SLC9A9: variants seen among roughly 807,000 people sequenced by gnomAD.
The protein encoded by SLC9A9 is sodium/hydrogen exchanger 9.
SLC9A9 carries 62 observed loss-of-function variants against 77.8 expected under a neutral mutation model. The ratio of observed to expected loss-of-function variants is 0.80; its 90% CI spans 0.65 to 0.98. SLC9A9 has a LOEUF of 0.98. Ranked by LOEUF, SLC9A9 falls within the 50% of genes least tolerant of loss-of-function variation. The pLI is 0.00. For missense variants in SLC9A9, 775 were observed against 774.9 expected, an observed-to-expected ratio of 1.00 and a Z score of 0.00; for synonymous variants, 320 against 283.5, an observed-to-expected ratio of 1.13 and a Z score of -1.29.
chr3:143,823,406 T>G (rs547047119), intron 2 of SLC9A9, among the ~76,000 whole-genome samples: 1 of 152,308 alleles, frequency 6.6e-6, no homozygotes, highest in East Asian at 1.9e-4. Flanking sequence ...GGGGTGAAGA[T>G]GAGTGTTCTC....
chr3:143,724,903 G>A (rs1560050133), intron 4 of SLC9A9, among the ~76,000 whole-genome samples: 1 of 152,030 alleles, frequency 6.6e-6, no homozygotes, highest in Non-Finnish European at 1.5e-5. Context: ...TTCAGTGTCA[G>A]GTGGCTCAAA....
chr3:143,592,649 G>A (rs2037671456), intron 6 of SLC9A9, among the ~76,000 whole-genome samples: 5 of 152,148 alleles, frequency 3.3e-5, no homozygotes. Context: ...GAAGTGTAGT[G>A]GGTAACACCA....
chr3:143,396,511 G>T (rs1175806193), intron 12 of SLC9A9, among the ~76,000 whole-genome samples: 1 of 152,164 alleles, frequency 6.6e-6, no homozygotes, highest in Non-Finnish European at 1.5e-5. Context: ...GTTAATGGGT[G>T]CAGCACACCA....
intron 14 of SLC9A9, among the ~76,000 whole-genome samples, chr3:143,299,828 G>A (rs2030440066): frequency 6.6e-6 from 1 of 152,146 alleles, no homozygotes; most frequent in Admixed American, 6.5e-5. Flanking sequence ...TTAGTGGGAG[G>A]AGGCATGCAG....
Position 143,535,014 on chromosome 3 carries a change from T to C in SLC9A9, c.1089+17348A>G, listed in dbSNP as rs2036570422. Among the ~76,000 whole-genome samples the C allele has an allele frequency of 1.3e-5, 2 of 152,108 alleles. 1 individual carries two copies. Among genetic ancestry groups the C allele is most frequent in the South Asian group, 4.1e-4 (2 of 4,820 alleles). Reference sequence around the variant, plus strand: ...AAGGTTGAGGCCTTAAAAAAAGTGATAGAAAAAGTAACTTTGATCACATGA... The same window carrying C: ...AAGGTTGAGGCCTTAAAAAAAGTGACAGAAAAAGTAACTTTGATCACATGA... On this transcript the variant is annotated intron_variant, in intron 9 of 15. Transcript: ENST00000316549.
chr3:143,352,505 A>G (rs1277391966), intron 14 of SLC9A9, among the ~76,000 whole-genome samples: 2 of 133,136 alleles, frequency 1.5e-5, no homozygotes, highest in African/African-American at 7.7e-5. Context: ...CTTTGGAAAA[A>G]GGTTAGCTCT....
At chr3:143,816,198 G>A (rs926366416) in intron 2 of SLC9A9, among the ~76,000 whole-genome samples, 4 of 152,042 alleles carry the variant, frequency 2.6e-5, no homozygotes, top group Non-Finnish European at 5.9e-5. Context: ...AGTATTGCTT[G>A]TATATTTTTA....
At chr3:143,678,355 T>G (rs192583422) in intron 5 of SLC9A9, among the ~76,000 whole-genome samples, 405 of 152,308 alleles carry the variant, frequency 2.7e-3, no homozygotes, top group African/African-American at 9.3e-3. Context: ...TTCCATTCTT[T>G]GTTAAGAAGA....
chr3:143,409,347 A>G (rs2034048470), intron 12 of SLC9A9, among the ~76,000 whole-genome samples: 2 of 152,246 alleles, frequency 1.3e-5, no homozygotes, highest in Non-Finnish European at 2.9e-5. Flanking sequence ...CACAGGTGAC[A>G]CAGCAAGAAG....
intron 4 of SLC9A9, among the ~76,000 whole-genome samples, chr3:143,732,548 T>C (rs1934833214): frequency 6.6e-6 from 1 of 152,210 alleles, no homozygotes; most frequent in Non-Finnish European, 1.5e-5. Flanking sequence ...ACTGTCTCAA[T>C]GAGACCCATG....
chr3:143,273,222 C>G (rs990109145), intron 14 of SLC9A9, among the ~76,000 whole-genome samples: 2 of 152,200 alleles, frequency 1.3e-5, no homozygotes, highest in African/African-American at 2.4e-5. Flanking sequence ...AAATGAGCAC[C>G]TGCTCCTTTG....
intron 8 of SLC9A9, among the ~76,000 whole-genome samples, chr3:143,573,061 G>A (rs1315543216): frequency 1.3e-5 from 2 of 152,166 alleles, no homozygotes; most frequent in Non-Finnish European, 2.9e-5. Context: ...TGTTGGCTGA[G>A]TAAACTGGGC....
chr3:143,778,342 T>C (rs760397390), intron 4 of SLC9A9, among the ~76,000 whole-genome samples: 47 of 152,242 alleles, frequency 3.1e-4, no homozygotes, highest in Non-Finnish European at 6.2e-4. Flanking sequence ...GTATTAACAC[T>C]ACTCAAAATA....
chr3:143,498,502 C>T (rs567829084), intron 9 of SLC9A9, among the ~76,000 whole-genome samples: 1 of 150,432 alleles, frequency 6.6e-6, no homozygotes, highest in East Asian at 2.0e-4. Context: ...TGCAGTGAGC[C>T]GAGATCACAC....
At chr3:143,363,894 T>C (rs1397167997) in intron 13 of SLC9A9, among the ~76,000 whole-genome samples, 2 of 152,210 alleles carry the variant, frequency 1.3e-5, no homozygotes, top group Non-Finnish European at 2.9e-5. Context: ...TCTGTCAAAT[T>C]TGGATGATAT....
intron 14 of SLC9A9, among the ~76,000 whole-genome samples, chr3:143,307,952 G>C (rs137945539): frequency 7.7e-4 from 118 of 152,304 alleles, no homozygotes; most frequent in Non-Finnish European, 1.3e-3. Flanking sequence ...CTACAATCCT[G>C]GAAAAACCTG....
intron 8 of SLC9A9, among the ~76,000 whole-genome samples, chr3:143,560,306 C>T (rs1299730408): frequency 6.6e-6 from 1 of 152,160 alleles, no homozygotes; most frequent in Non-Finnish European, 1.5e-5. Context: ...ATCAACTCAC[C>T]CTTGCTAAGA....
chr3:143,678,206 T>A (rs1288308294), intron 5 of SLC9A9, among the ~76,000 whole-genome samples: 1 of 152,214 alleles, frequency 6.6e-6, no homozygotes, highest in African/African-American at 2.4e-5. Context: ...GTATTAAAAA[T>A]AGTAATATTC....
At chr3:143,701,887 A>G (rs1040366931) in intron 4 of SLC9A9, among the ~76,000 whole-genome samples, 1 of 152,204 alleles carries the variant, frequency 6.6e-6, no homozygotes, top group Non-Finnish European at 1.5e-5. Flanking sequence ...CCAAAAGTCA[A>G]GGATAAAGAA....
Sources: allele counts gnomAD v4.1 joint callset (sites outside exome capture counted in the v4.1 genomes callset), GRCh38; gene constraint gnomAD v4.1.1; transcripts MANE v1.5; gene names NCBI Gene and HGNC (gene_info 2026-07-23, HGNC 2026-07-21).